The following CARM1 variants were observed in gnomAD, a reference collection of about 807,000 sequenced individuals.
The protein encoded by CARM1 is histone-arginine methyltransferase CARM1.
A neutral mutation model predicts 72.7 loss-of-function variants in CARM1; 14 were observed. The ratio of observed to expected loss-of-function variants is 0.19; its 90% confidence interval spans 0.13 to 0.30. The LOEUF is 0.30. Among genes scored for constraint, CARM1 ranks in the 10% least tolerant of loss-of-function variants. CARM1 has a pLI of 1.00. For synonymous variants in CARM1, 333 were observed against 345.5 expected (o/e 0.96, Z 0.40); for missense variants, 432 against 833.7 (o/e 0.52, Z 5.93).
chr19:10,920,795 A>T lies in CARM1; in HGVS notation c.1425-39A>T. On this transcript the variant is annotated intron_variant, in intron 12 of 15. Transcript: ENST00000327064. This position sits in a 1 kb window ranked among gnomAD's most constrained non-coding sequence, Gnocchi z 5.3. ...CACAGGGGGGCGCCCCGGCCCTGCA[A>T]CCCCCTTGCCCCTGCCCATGGCTCT... The T allele has an allele frequency of 6.2e-7, 1 of 1,613,250 alleles. No individual in the cohort carries two copies. The highest frequency in any genetic ancestry group is 8.5e-7 in the Non-Finnish European group (1 of 1,179,312).
At chr19:10,914,145 C>T in intron 6 of CARM1, 91 bp downstream of exon 6, 3 of 1,286,984 alleles carry the variant, frequency 2.3e-6, no homozygotes, top group South Asian at 2.7e-5. Flanking sequence ...TCCCTGCTTA[C>T]TGTCGGTGGC....
chr19:10,884,579 T>TC (rs2073926678), intron 1 of CARM1, among the ~76,000 whole-genome samples: 1 of 151,822 alleles, frequency 6.6e-6, no homozygotes, highest in Non-Finnish European at 1.5e-5. Flanking sequence ...TTGCCTTTGT[T>TC]CCCCAAAAAG....
Position 10,921,812 on chromosome 19 carries a change from C to T in CARM1, c.*55C>T, listed in dbSNP as rs531247584. The T allele has an allele frequency of 6.2e-5, 94 of 1,522,014 alleles. 1 individual carries two copies. Among genetic ancestry groups the T allele is most frequent in the Middle Eastern group, 1.8e-4 (1 of 5,686 alleles). 94.3% of individuals were successfully genotyped at this position (1,522,014 alleles called of 1,614,324 possible). A position where few individuals can be genotyped will look rare whatever the true frequency, so the allele number is the denominator to read the frequency against. On this transcript the variant is annotated 3_prime_UTR_variant, in exon 16 of 16. Coordinates refer to ENST00000327064, the MANE Select transcript of CARM1 (RefSeq NM_199141.2). Reference sequence around the variant, plus strand: ...GAAACCAAATGATGTCCCTGCCCGCCGCCCCCGCCGGGCGGCTTTCCCCCT... The same window carrying T: ...GAAACCAAATGATGTCCCTGCCCGCTGCCCCCGCCGGGCGGCTTTCCCCCT...
At chr19:10,872,113 T>A (rs1244982602) in intron 1 of CARM1, among the ~76,000 whole-genome samples, 191 bp downstream of exon 1, 4 of 146,186 alleles carry the variant, frequency 2.7e-5, no homozygotes, top group Non-Finnish European at 6.0e-5. Context: ...AGGGCGTGCG[T>A]GGTGGCCGGA....
intron 1 of CARM1, among the ~76,000 whole-genome samples, chr19:10,874,488 G>T (rs1344474652): frequency 6.6e-6 from 1 of 151,772 alleles, no homozygotes; most frequent in Non-Finnish European, 1.5e-5. Flanking sequence ...GCCTTCCATG[G>T]CTAAAGTGAT....
intron 5 of CARM1, 86 bp from the exon 6 acceptor site, chr19:10,913,791 T>G (rs780792936): frequency 9.3e-6 from 13 of 1,392,140 alleles, no homozygotes; most frequent in Middle Eastern, 2.1e-4. Context: ...CATGTGTGGA[T>G]GGAGGCTGTC....
intron 1 of CARM1, among the ~76,000 whole-genome samples, chr19:10,901,690 C>G (rs1000924695): frequency 8.5e-5 from 13 of 152,242 alleles, no homozygotes; most frequent in Admixed American, 5.9e-4. Flanking sequence ...GCCTGTAATC[C>G]CAGCACTTTG....
At chr19:10,895,611 A>G (rs1051782808) in intron 1 of CARM1, among the ~76,000 whole-genome samples, 4 of 152,210 alleles carry the variant, frequency 2.6e-5, no homozygotes, top group Non-Finnish European at 5.9e-5. Context: ...CCATGCGCAC[A>G]GTGAGGGCAG....
At chr19:10,921,021 A>G (rs1478833873) in intron 13 of CARM1, 29 bp from the exon 14 acceptor site, 1 of 1,613,458 alleles carries the variant, frequency 6.2e-7, no homozygotes, top group African/African-American at 1.3e-5. Flanking sequence ...CTCTGCCTCC[A>G]GCCCTGACGT....
chr19:10,904,621 G>T (rs1488882351), intron 1 of CARM1, among the ~76,000 whole-genome samples: 3 of 152,236 alleles, frequency 2.0e-5, no homozygotes, highest in African/African-American at 7.2e-5. Flanking sequence ...CAGCCGAGCA[G>T]GGCAGAGGCA....
intron 1 of CARM1, among the ~76,000 whole-genome samples, chr19:10,873,246 C>A (rs1221710228): frequency 1.3e-5 from 2 of 152,116 alleles, no homozygotes; most frequent in Non-Finnish European, 2.9e-5. Flanking sequence ...AAACTAGGGT[C>A]CCAGGGCTTA....
intron 15 of CARM1, 48 bp from the exon 16 acceptor site, chr19:10,921,567 G>A (rs1350673622): frequency 4.5e-5 from 71 of 1,582,706 alleles, no homozygotes; most frequent in Non-Finnish European, 5.4e-5. Context: ...TCTGCCTGGG[G>A]GCTGGGCGGG....
chr19:10,877,830 C>T (rs1478115694), intron 1 of CARM1, among the ~76,000 whole-genome samples: 3 of 151,974 alleles, frequency 2.0e-5, no homozygotes, highest in Non-Finnish European at 4.4e-5. Flanking sequence ...CAGGTTCAAG[C>T]GATTCTCCTG....
In CARM1 at chr19:10,896,744, G is replaced by T. The variant is rs928042515; in HGVS notation, c.221-8207G>T. ...GTCCCCAGTCTCCTTCCCAGGCTGG[G>T]TCAGGTGCCACCTCCAGGCACCTAC... On this transcript the variant is annotated intron_variant, in intron 1 of 15. Coordinates refer to ENST00000327064, the MANE Select transcript of CARM1 (RefSeq NM_199141.2). This position sits in a 1 kb window ranked among gnomAD's most constrained non-coding sequence, Gnocchi z 5.2. Among the ~76,000 whole-genome samples, 1 of 152,186 alleles carries T rather than the reference G, an allele frequency of 6.6e-6. No individual in the cohort carries two copies. The highest frequency in any genetic ancestry group is 2.4e-5 in the African/African-American group (1 of 41,444).
At position 10,913,969 on chromosome 19, in the gene CARM1, C is replaced by A. The variant is rs1729144811; in HGVS notation, c.762C>A (p.Ile254=). The A allele has an allele frequency of 6.2e-7, 1 of 1,613,784 alleles. No homozygotes were observed. Among genetic ancestry groups the A allele is most frequent in the Middle Eastern group, 1.7e-4 (1 of 6,058 alleles). The change falls in exon 6 of 16, where the codon ATC becomes ATA. Residue 254 remains isoleucine (I), a synonymous_variant. Coordinates refer to ENST00000327064, the MANE Select transcript of CARM1 (RefSeq NM_199141.2). Reference sequence around the variant, plus strand: ...CACTCCCCGAGCAGGTGGACATCATCATCTCGGAGCCCATGGGCTACATGC... The same window carrying A: ...CACTCCCCGAGCAGGTGGACATCATAATCTCGGAGCCCATGGGCTACATGC... ...EVSLPEQVDI[I]ISEPMGYMLF...
At chr19:10,907,927 G>A (rs867664299) in intron 2 of CARM1, 112 bp from the exon 3 acceptor site, 16 of 683,870 alleles carry the variant, frequency 2.3e-5, no homozygotes, top group Middle Eastern at 2.5e-4. Context: ...CACCAGCCCT[G>A]TATGTTCAAG....
intron 1 of CARM1, among the ~76,000 whole-genome samples, chr19:10,899,033 GTTTTT>G: frequency 8.5e-6 from 1 of 117,434 alleles, no homozygotes; most frequent in East Asian, 2.5e-4. Flanking sequence ...GGCTTAGCTT[GTTTTT>G]TTTTTTTTTT....
chr19:10,910,843 C>G (rs944316593), intron 4 of CARM1, among the ~76,000 whole-genome samples: 2 of 151,706 alleles, frequency 1.3e-5, no homozygotes, highest in Non-Finnish European at 2.9e-5. Context: ...GGATTACAGG[C>G]ATGAGCCACT....
At chr19:10,897,115 C>T (rs2074029937) in intron 1 of CARM1, among the ~76,000 whole-genome samples, 4 of 152,174 alleles carry the variant, frequency 2.6e-5, no homozygotes, top group Admixed American at 2.6e-4. Context: ...CCAAGGCCTG[C>T]TCTAGGAAGC....
Sources: allele counts gnomAD v4.1 joint callset (sites outside exome capture counted in the v4.1 genomes callset), GRCh38; gene constraint gnomAD v4.1.1; non-coding constraint Gnocchi (gnomAD v3.1); transcripts MANE v1.5; gene names NCBI Gene and HGNC (gene_info 2026-07-23, HGNC 2026-07-21).